Variants in JAK2 observed in about 807,000 individuals in gnomAD.
JAK2 encodes the protein Janus kinase 2, also known as tyrosine-protein kinase JAK2.
A neutral mutation model predicts 139.3 loss-of-function variants in JAK2; 86 were observed. The ratio of observed to expected loss-of-function variants is 0.62; its 90% CI spans 0.52 to 0.74. JAK2 has a LOEUF of 0.74. Ranked by LOEUF, JAK2 falls within the 30% of genes least tolerant of loss-of-function variation. The pLI, the probability that JAK2 is intolerant of heterozygous loss-of-function variation, is 0.00. For missense variants in JAK2, 1,421 were observed against 1,360.3 expected (o/e 1.04, Z -0.70); for synonymous variants, 490 against 437.7 (o/e 1.12, Z -1.49).
intron 4 of JAK2, among the ~76,000 whole-genome samples, chr9:5,035,182 G>A (rs1232743169): frequency 6.6e-6 from 1 of 152,152 alleles, no homozygotes; most frequent in Non-Finnish European, 1.5e-5. Flanking sequence ...GACTAAACCA[G>A]AAAGAAGTTG....
intron 10 of JAK2, among the ~76,000 whole-genome samples, chr9:5,067,821 A>G (rs1189042022): frequency 1.3e-5 from 2 of 152,178 alleles, no homozygotes; most frequent in Non-Finnish European, 2.9e-5. Flanking sequence ...ATTATCTAGC[A>G]TAGGCAAATA....
intron 2 of JAK2, among the ~76,000 whole-genome samples, chr9:4,995,116 A>C (rs1419372031): frequency 1.3e-5 from 2 of 152,206 alleles, no homozygotes; most frequent in African/African-American, 4.8e-5. Context: ...ATTGTTGCCA[A>C]CTTGAGACGT....
chr9:5,074,268 T>A (rs1359823743), intron 14 of JAK2, among the ~76,000 whole-genome samples: 1 of 152,184 alleles, frequency 6.6e-6, no homozygotes, highest in East Asian at 1.9e-4. Context: ...TCGTACCCCA[T>A]GCTTTAATAC....
At position 5,056,643 on chromosome 9, in the gene JAK2, A is replaced by G. The variant is rs549881210; in HGVS notation, c.1056+855A>G. Among the ~76,000 whole-genome samples, 3 of 152,258 alleles carry G rather than the reference A, an allele frequency of 2.0e-5. No homozygotes were observed. In the South Asian group the frequency reaches 6.2e-4, roughly 32 times the overall value. On this transcript the variant is annotated intron_variant, in intron 8 of 24. Transcript: ENST00000381652. ...ATTTTTATGTGTGTTTGTACCCCCT[A>G]CACCTTGCACAGTACTCAGGGCCTA...
At chr9:5,053,607 C>T (rs1014839405) in intron 6 of JAK2, among the ~76,000 whole-genome samples, 5 of 151,894 alleles carry the variant, frequency 3.3e-5, no homozygotes, top group Admixed American at 1.3e-4. Flanking sequence ...GGAACAGAAG[C>T]CAAACTGGAA....
chr9:5,084,600 ATCTTT>A (rs1356573778), intron 19 of JAK2, among the ~76,000 whole-genome samples: 1 of 152,130 alleles, frequency 6.6e-6, no homozygotes, highest in Non-Finnish European at 1.5e-5. Flanking sequence ...CTATTGTGAA[ATCTTT>A]TCTTTTGCTA....
At chr9:5,002,222 C>G (rs911339243) in intron 2 of JAK2, among the ~76,000 whole-genome samples, 4 of 151,456 alleles carry the variant, frequency 2.6e-5, no homozygotes, top group African/African-American at 9.7e-5. Context: ...TTCTAGCTAC[C>G]TAGGAAGCTT....
chr9:5,112,160 T>C, intron 22 of JAK2: 2 of 284,402 alleles, frequency 7.0e-6, no homozygotes, highest in South Asian at 3.0e-5. Context: ...GTGCACACGC[T>C]GCTACCCGGC....
At chr9:5,109,843 C>G (rs997570375) in intron 22 of JAK2, 2 of 152,162 alleles carry the variant, frequency 1.3e-5, no homozygotes, top group African/African-American at 4.8e-5. Flanking sequence ...TTCCTCATCA[C>G]AGTATTCTTC....
chr9:5,116,063 T>C (rs1298292500), intron 22 of JAK2, among the ~76,000 whole-genome samples: 1 of 150,538 alleles, frequency 6.6e-6, no homozygotes, highest in South Asian at 2.1e-4. Flanking sequence ...ATAATAAAAT[T>C]TAAAAAAAAA....
At chr9:5,126,622 T>C (rs1303102017) in intron 24 of JAK2, 62 bp from the exon 25 acceptor site, 1 of 1,192,886 alleles carries the variant, frequency 8.4e-7, no homozygotes, top group Middle Eastern at 2.0e-4. Flanking sequence ...ATTAATGTCT[T>C]CCACCAATTA....
chr9:5,019,950 A>C (rs1822303482), intron 2 of JAK2, among the ~76,000 whole-genome samples: 1 of 152,196 alleles, frequency 6.6e-6, no homozygotes, highest in Non-Finnish European at 1.5e-5. Context: ...ATGCCTGTAC[A>C]TTAGCCCCAG....
chr9:5,072,413 C>A, intron 12 of JAK2, 79 bp from the exon 13 acceptor site: 2 of 1,062,530 alleles, frequency 1.9e-6, no homozygotes, highest in South Asian at 2.5e-5. Context: ...AAAAATTCTT[C>A]CTCATTGAAT....
intron 8 of JAK2, among the ~76,000 whole-genome samples, chr9:5,064,247 AG>A (rs1029673489): frequency 3.9e-5 from 6 of 152,152 alleles, no homozygotes; most frequent in African/African-American, 1.4e-4. Context: ...ATTGGTATGT[AG>A]GGCTGATGCC....
intron 2 of JAK2, among the ~76,000 whole-genome samples, chr9:5,017,702 AT>A (rs1357148206): frequency 6.6e-6 from 1 of 152,230 alleles, no homozygotes; most frequent in Non-Finnish European, 1.5e-5. Context: ...TCAAGGAATT[AT>A]GTATTTTTGA....
intron 4 of JAK2, among the ~76,000 whole-genome samples, chr9:5,042,514 G>GA (rs1200429021): frequency 2.0e-5 from 3 of 151,868 alleles, no homozygotes; most frequent in South Asian, 2.1e-4. Flanking sequence ...AGGAATAAAG[G>GA]AAAAAAAAGA....
At chr9:5,108,099 TCTG>T (rs1394001020) in intron 22 of JAK2, 1 of 152,158 alleles carries the variant, frequency 6.6e-6, no homozygotes, top group East Asian at 1.9e-4. Context: ...TCTCTTCTGA[TCTG>T]CTGATGTCAC....
intron 9 of JAK2, among the ~76,000 whole-genome samples, chr9:5,065,838 C>T (rs1471075154): frequency 2.6e-5 from 4 of 152,110 alleles, no homozygotes; most frequent in Admixed American, 6.5e-5. Flanking sequence ...TTGCATTTAA[C>T]CTACCCCTAA....
chr9:5,057,217 T>C (rs1214398315), intron 8 of JAK2, among the ~76,000 whole-genome samples: 2 of 148,758 alleles, frequency 1.3e-5, no homozygotes, highest in African/African-American at 5.2e-5. Flanking sequence ...TTCTGTTGTT[T>C]ATTAAAATTA....
Sources: allele counts gnomAD v4.1 joint callset (sites outside exome capture counted in the v4.1 genomes callset), GRCh38; gene constraint gnomAD v4.1.1; transcripts MANE v1.5; gene names NCBI Gene and HGNC (gene_info 2026-07-23, HGNC 2026-07-21).